KDM4C: variants seen among roughly 807,000 people sequenced by gnomAD.
KDM4C encodes the protein lysine demethylase 4C, also known as lysine-specific demethylase 4C.
A neutral mutation model predicts 129.3 loss-of-function variants in KDM4C; 81 were observed. The observed-to-expected ratio is 0.63, with a 90% confidence interval of 0.52 to 0.75. The LOEUF (loss-of-function observed/expected upper bound fraction) is 0.75. Ranked by LOEUF, KDM4C falls within the 30% of genes least tolerant of loss-of-function variation. The probability of loss-of-function intolerance (pLI) is 0.00; values close to 1 mark genes in which losing one functional copy is unlikely to be tolerated. For synonymous variants in KDM4C, 573 were observed against 456.1 expected (o/e 1.26, Z -3.26); for missense variants, 1,457 against 1,304.0 (o/e 1.12, Z -1.81).
At chr9:7,129,437 G>A (rs1452636918) in intron 19 of KDM4C, among the ~76,000 whole-genome samples, 1 of 152,166 alleles carries the variant, frequency 6.6e-6, no homozygotes, top group Non-Finnish European at 1.5e-5. Flanking sequence ...TTTCTTACCA[G>A]GGTTCTAGCT....
chr9:7,170,701 A>G, intron 21 of KDM4C: 8 of 977,944 alleles, frequency 8.2e-6, no homozygotes, highest in Non-Finnish European at 9.7e-6. Context: ...TCTGACTAAA[A>G]TGAAATTTTT....
intron 1 of KDM4C, among the ~76,000 whole-genome samples, chr9:6,770,216 A>G (rs76978112): frequency 9.6e-6 from 1 of 104,376 alleles, no homozygotes; most frequent in Admixed American, 8.7e-5. Flanking sequence ...AAAAAACACC[A>G]AAAAAAAAAA....
At chr9:6,786,687 A>T (rs1825568700) in intron 1 of KDM4C, among the ~76,000 whole-genome samples, 1 of 152,166 alleles carries the variant, frequency 6.6e-6, no homozygotes, top group Non-Finnish European at 1.5e-5. Context: ...AACAAGAGGG[A>T]CTGGGGATTT....
At chr9:7,066,991 A>C (rs1832511271) in intron 17 of KDM4C, among the ~76,000 whole-genome samples, 1 of 152,250 alleles carries the variant, frequency 6.6e-6, no homozygotes, top group Non-Finnish European at 1.5e-5. Context: ...TCAGTGGCCC[A>C]GATATTTTTG....
At chr9:7,132,964 G>C (rs539295138) in intron 19 of KDM4C, among the ~76,000 whole-genome samples, 2 of 152,298 alleles carry the variant, frequency 1.3e-5, no homozygotes, top group South Asian at 4.1e-4. Context: ...TGGTTGAAAT[G>C]TGAAAGAAGC....
chr9:6,818,691 C>G (rs1832543749), intron 4 of KDM4C, among the ~76,000 whole-genome samples: 1 of 152,168 alleles, frequency 6.6e-6, no homozygotes, highest in South Asian at 2.1e-4. Context: ...GTGCGATTTC[C>G]ATTGGAATGG....
At chr9:7,023,136 C>T (rs967880359) in intron 15 of KDM4C, among the ~76,000 whole-genome samples, 12 of 152,108 alleles carry the variant, frequency 7.9e-5, no homozygotes, top group African/African-American at 2.9e-4. Flanking sequence ...ATTTTGGTAT[C>T]AGGGTAATAC....
At chr9:7,024,053 G>A (rs1165083506) in intron 15 of KDM4C, among the ~76,000 whole-genome samples, 1 of 152,126 alleles carries the variant, frequency 6.6e-6, no homozygotes, top group Non-Finnish European at 1.5e-5. Flanking sequence ...GACCTAACAT[G>A]ACCTATCTTT....
Position 6,729,345 on chromosome 9 carries a change from A to G in KDM4C, c.49+8348A>G, listed in dbSNP as rs568133370. The stretch of plus-strand genomic sequence containing the variant: ...TGCTTGAGTACAGGAGTTCAAGACC[A>G]GCCTGGGCAAATGGTGAAACCCTAT... On this transcript the variant is annotated intron_variant, in intron 1 of 17. Coordinates refer to the KDM4C transcript ENST00000536108. 3.0e-4 allele frequency among the ~76,000 whole-genome samples: 40 copies of G among 131,932 alleles called. 12 individuals are homozygous for G. The highest frequency in any genetic ancestry group is 1.3e-3 in the African/African-American group (39 of 30,768). 86.6% of individuals were successfully genotyped at this position (131,932 alleles called of 152,430 possible). A position where few individuals can be genotyped will look rare whatever the true frequency, so the allele number is the denominator to read the frequency against.
chr9:6,862,251 G>A (rs1563714539), intron 5 of KDM4C, among the ~76,000 whole-genome samples: 1 of 152,158 alleles, frequency 6.6e-6, no homozygotes, highest in East Asian at 1.9e-4. Flanking sequence ...TGCCTTTGTT[G>A]TCTTCATGTC....
chr9:6,853,756 A>T (rs1389070123), intron 5 of KDM4C, among the ~76,000 whole-genome samples: 2 of 152,190 alleles, frequency 1.3e-5, no homozygotes, highest in East Asian at 3.9e-4. Context: ...AGTCAGTGGT[A>T]AAGTATTATT....
chr9:7,099,612 T>C (rs1441800180), intron 17 of KDM4C, among the ~76,000 whole-genome samples: 1 of 152,250 alleles, frequency 6.6e-6, no homozygotes, highest in African/African-American at 2.4e-5. Context: ...TTTAACCCTG[T>C]AGCCTCTTGG....
intron 8 of KDM4C, among the ~76,000 whole-genome samples, chr9:6,951,802 A>G (rs1201876790): frequency 6.6e-6 from 1 of 152,264 alleles, no homozygotes. Flanking sequence ...TGTATGATTT[A>G]CTTCACTTAG....
chr9:6,812,914 G>A (rs142796299), intron 3 of KDM4C, among the ~76,000 whole-genome samples: 194 of 152,236 alleles, frequency 1.3e-3, no homozygotes, highest in African/African-American at 4.5e-3. Context: ...GGTGGCTCTC[G>A]CCTGTAAATC....
intron 4 of KDM4C, among the ~76,000 whole-genome samples, chr9:6,817,886 C>A (rs1315470759): frequency 6.6e-6 from 1 of 151,148 alleles, no homozygotes; most frequent in African/African-American, 2.4e-5. Flanking sequence ...CCTGCCACAG[C>A]CTCCCAAGTA....
intron 19 of KDM4C, among the ~76,000 whole-genome samples, chr9:7,152,363 T>A (rs1310860876): frequency 6.6e-6 from 1 of 152,168 alleles, no homozygotes; most frequent in Non-Finnish European, 1.5e-5. Context: ...AAAACAGAGT[T>A]TTTAAAAGAT....
At chr9:6,970,284 C>T (rs1157660885) in intron 8 of KDM4C, among the ~76,000 whole-genome samples, 1 of 152,156 alleles carries the variant, frequency 6.6e-6, no homozygotes, top group Non-Finnish European at 1.5e-5. Context: ...CAAAACTTAA[C>T]CAGTGATGAA....
intron 15 of KDM4C, among the ~76,000 whole-genome samples, chr9:7,019,164 A>G (rs751348084): frequency 6.6e-6 from 1 of 152,222 alleles, no homozygotes; most frequent in Non-Finnish European, 1.5e-5. Context: ...TAACCCTCTG[A>G]TTTAGTGTCG....
At chr9:7,055,171 C>T (rs759420670) in intron 17 of KDM4C, among the ~76,000 whole-genome samples, 5 of 152,174 alleles carry the variant, frequency 3.3e-5, no homozygotes, top group East Asian at 1.9e-4. Context: ...AGCAAGGCTA[C>T]GTCTCAAAAA....
Sources: allele counts gnomAD v4.1 joint callset (sites outside exome capture counted in the v4.1 genomes callset), GRCh38; gene constraint gnomAD v4.1.1; transcripts MANE v1.5; gene names NCBI Gene and HGNC (gene_info 2026-07-23, HGNC 2026-07-21).